The following MRPL3 variants were observed in gnomAD, a reference collection of about 807,000 sequenced individuals.
MRPL3 encodes mitochondrial ribosomal protein L3, also known as large ribosomal subunit protein uL3m.
MRPL3 carries 43 observed loss-of-function variants against 44.3 expected under a neutral mutation model. That is an observed-to-expected ratio of 0.97 (90% CI 0.76 to 1.25). The LOEUF (loss-of-function observed/expected upper bound fraction) is 1.25. Ranked by LOEUF, MRPL3 falls within the 50% of genes most tolerant of loss-of-function variation. The probability of loss-of-function intolerance (pLI) is 0.00; values close to 1 mark genes in which losing one functional copy is unlikely to be tolerated. For synonymous variants in MRPL3, 171 were observed against 152.3 expected, an observed-to-expected ratio of 1.12 and a Z score of -0.91; for missense variants, 406 against 427.6, an observed-to-expected ratio of 0.95 and a Z score of 0.45.
rs538926064 is a variant in MRPL3 at position 131,487,719 on chromosome 3, T to C, written c.590A>G (p.His197Arg). 4 of 1,611,410 alleles carry C rather than the reference T, an allele frequency of 2.5e-6. No homozygotes were observed. In the African/African-American group the frequency reaches 5.3e-5, roughly 22 times the overall value. ...ATCCACATACTGTCCTGGACGAAAG[T>C]GAGCAGCATAAAGAGGAGTGCCTTT... ...IKPGTPLYAA[H>R]FRPGQYVDVT... is the part of the protein sequence containing the mutation. Residue 197 changes from histidine (H) to arginine (R), a missense_variant, in exon 6 of 10, where the codon CAC (histidine) becomes CGC (arginine). Coordinates refer to ENST00000264995, the MANE Select transcript of MRPL3 (RefSeq NM_007208.4).
Position 131,471,285 on chromosome 3 carries a change from C to T in MRPL3, c.630-6G>A. On this transcript the variant is annotated splice_region_variant and splice_polypyrimidine_tract_variant and intron_variant, in intron 6 of 9. Coordinates refer to ENST00000264995, the MANE Select transcript of MRPL3 (RefSeq NM_007208.4). ...CTTGAAAACCTTTACCAATACTGAA[C>T]AAAACAAACGTTAGAATTTACATAA... is the stretch of plus-strand genomic sequence containing the variant. 1 of 1,585,074 alleles carries T rather than the reference C, an allele frequency of 6.3e-7. No individual in the cohort carries two copies. The highest frequency in any genetic ancestry group is 8.7e-7 in the Non-Finnish European group (1 of 1,153,788).
At chr3:131,485,694 G>C (rs546668508) in intron 6 of MRPL3, among the ~76,000 whole-genome samples, 49 of 151,936 alleles carry the variant, frequency 3.2e-4, no homozygotes, top group Non-Finnish European at 6.0e-4. Flanking sequence ...TTAAAAAGAA[G>C]ACTCATCTTA....
chr3:131,468,192 A>C, intron 8 of MRPL3, 24 bp from the exon 9 acceptor site: 2 of 1,406,622 alleles, frequency 1.4e-6, no homozygotes, highest in South Asian at 1.3e-5. Flanking sequence ...TAAAACCAAA[A>C]ATTTTAGGAT....
intron 1 of MRPL3, chr3:131,502,000 A>G (rs1368035867): frequency 5.9e-6 from 7 of 1,186,564 alleles, no homozygotes; most frequent in Non-Finnish European, 8.3e-6. Context: ...AGACATGAAA[A>G]GCCACTAACC....
intron 9 of MRPL3, 98 bp downstream of exon 9, chr3:131,467,993 A>T: frequency 1.7e-6 from 1 of 595,128 alleles, no homozygotes; most frequent in African/African-American, 1.9e-5. Context: ...GCAAATATCC[A>T]CATATATAAA....
chr3:131,501,978 A>T (rs1038938309), intron 1 of MRPL3: 12 of 1,413,896 alleles, frequency 8.5e-6, no homozygotes, highest in Admixed American at 4.0e-5. Context: ...CCCAAAAAAC[A>T]GTCCTACCTA....
intron 6 of MRPL3, among the ~76,000 whole-genome samples, chr3:131,481,014 C>T (rs1933973115): frequency 6.6e-6 from 1 of 152,148 alleles, no homozygotes; most frequent in Non-Finnish European, 1.5e-5. Flanking sequence ...AAACATCCAG[C>T]CACGCTTTCA....
intron 4 of MRPL3, among the ~76,000 whole-genome samples, chr3:131,491,584 G>C (rs1934257163): frequency 6.6e-6 from 1 of 152,016 alleles, no homozygotes; most frequent in Admixed American, 6.6e-5. Context: ...CAATAAAAAA[G>C]GCAACTCCAT....
intron 6 of MRPL3, among the ~76,000 whole-genome samples, chr3:131,485,855 T>C (rs1479318870): frequency 6.6e-6 from 1 of 152,194 alleles, no homozygotes; most frequent in African/African-American, 2.4e-5. Flanking sequence ...CCAGTTTCTT[T>C]TGATAAAAGG....
Position 131,477,933 on chromosome 3 carries a change from T to C in MRPL3, c.630-6654A>G, listed in dbSNP as rs142247115. Among the ~76,000 whole-genome samples, 319 of 152,278 alleles carry C rather than the reference T, an allele frequency of 2.1e-3. 3 individuals are homozygous for C. Among genetic ancestry groups the C allele is most frequent in the Middle Eastern group, 0.014 (4 of 294 alleles). On this transcript the variant is annotated intron_variant, in intron 6 of 9. Coordinates refer to ENST00000264995, the MANE Select transcript of MRPL3 (RefSeq NM_007208.4). ...TGCTTCCCTAATGTTCTTTGAGAAATCTCTTTCCTCTTGCTGCCTCTGATT... is the reference window on the plus strand; with the variant it reads ...TGCTTCCCTAATGTTCTTTGAGAAACCTCTTTCCTCTTGCTGCCTCTGATT...
chr3:131,498,612 G>A (rs1934425042), intron 3 of MRPL3, among the ~76,000 whole-genome samples: 1 of 140,938 alleles, frequency 7.1e-6, no homozygotes, highest in East Asian at 2.1e-4. Flanking sequence ...TGAGGCAGAA[G>A]AATGGCAAGA....
At chr3:131,465,437 C>T (rs1008315838) in intron 9 of MRPL3, among the ~76,000 whole-genome samples, 3 of 152,102 alleles carry the variant, frequency 2.0e-5, no homozygotes, top group Non-Finnish European at 2.9e-5. Context: ...TTCATCTCTG[C>T]TGGTAACAGG....
intron 6 of MRPL3, chr3:131,487,454 A>G: frequency 2.3e-6 from 1 of 436,096 alleles, no homozygotes. Flanking sequence ...ATAATAAAAA[A>G]AAAACAAATA....
At position 131,487,723 on chromosome 3, in the gene MRPL3, C is replaced by T. The variant is rs1270931168; in HGVS notation, c.586G>A (p.Ala196Thr). The T allele has an allele frequency of 6.2e-7, 1 of 1,610,854 alleles. No individual in the cohort carries two copies. The highest frequency in any genetic ancestry group is 1.3e-5 in the African/African-American group (1 of 74,860). ...ACATACTGTCCTGGACGAAAGTGAG[C>T]AGCATAAAGAGGAGTGCCTTTATGA... ...AIKPGTPLYAAHFRPGQYVDV... is the reference protein window; with the variant it reads ...AIKPGTPLYATHFRPGQYVDV... Residue 196 changes from alanine to threonine, a missense_variant, in exon 6 of 10, where the codon GCT (alanine) becomes ACT (threonine). Ala to Thr is a moderately conservative substitution (Grantham distance 58). Coordinates refer to ENST00000264995, the MANE Select transcript of MRPL3 (RefSeq NM_007208.4).
intron 6 of MRPL3, among the ~76,000 whole-genome samples, chr3:131,481,023 C>T (rs1338708889): frequency 1.1e-4 from 17 of 152,190 alleles, no homozygotes; most frequent in Admixed American, 9.2e-4. Context: ...GCCACGCTTT[C>T]AACCCAGGTC....
At chr3:131,498,905 G>A (rs957376206) in intron 3 of MRPL3, among the ~76,000 whole-genome samples, 12 of 152,074 alleles carry the variant, frequency 7.9e-5, no homozygotes, top group African/African-American at 2.4e-4. Context: ...GACAAGCAGT[G>A]TCAGGATTCC....
intron 4 of MRPL3, among the ~76,000 whole-genome samples, chr3:131,497,606 G>A (rs1934398812): frequency 6.6e-6 from 1 of 152,038 alleles, no homozygotes; most frequent in South Asian, 2.1e-4. Context: ...TCATTGGGCA[G>A]CTTTTCCAAA....
intron 6 of MRPL3, among the ~76,000 whole-genome samples, chr3:131,482,073 A>G (rs967480453): frequency 2.0e-5 from 3 of 152,214 alleles, no homozygotes; most frequent in Admixed American, 2.0e-4. Flanking sequence ...TTAAGAACCC[A>G]TGTTGACAGT....
chr3:131,462,740 A>C lies in MRPL3; in HGVS notation c.1030T>G (p.Ser344Ala), dbSNP rs1176932160. ...DENVCQPGAP[S>A]ITFA Reference sequence around the variant, plus strand: ...CAAAGATGTTAGGCAAATGTAATAGAAGGCGCACCGGGCTGACACACGTTT... The same window carrying C: ...CAAAGATGTTAGGCAAATGTAATAGCAGGCGCACCGGGCTGACACACGTTT... Residue 344 changes from serine to alanine, a missense_variant, in exon 10 of 10, where the codon TCT (serine) becomes GCT (alanine). Transcript: ENST00000264995. 1 of 1,611,258 alleles carries C rather than the reference A, an allele frequency of 6.2e-7. No homozygotes were observed. Among genetic ancestry groups the C allele is most frequent in the Non-Finnish European group, 8.5e-7 (1 of 1,178,348 alleles).
Sources: gnomAD v4.1 joint callset for allele counts (sites outside exome capture counted in the v4.1 genomes callset) on GRCh38, gnomAD v4.1.1 for gene constraint, MANE v1.5 for transcripts, NCBI Gene and HGNC (gene_info 2026-07-23, HGNC 2026-07-21) for gene names.